Variants in STT3A observed in about 807,000 individuals in gnomAD.
STT3A encodes STT3 oligosaccharyltransferase complex catalytic subunit A.
A neutral mutation model predicts 89.2 loss-of-function variants in STT3A; 34 were observed. The observed-to-expected ratio is 0.38, with a 90% CI of 0.29 to 0.51. STT3A has a LOEUF of 0.51. Ranked by LOEUF, STT3A falls within the 20% of genes least tolerant of loss-of-function variation. The pLI is 0.89. For missense variants in STT3A, 555 were observed against 889.5 expected, an observed-to-expected ratio of 0.62 and a Z score of 4.78; for synonymous variants, 282 against 310.3, an observed-to-expected ratio of 0.91 and a Z score of 0.96.
At chr11:125,592,071 C>T (rs1939312411), upstream of STT3A, among the ~76,000 whole-genome samples, 1 of 152,180 alleles carries the variant, frequency 6.6e-6, no homozygotes, top group Non-Finnish European at 1.5e-5. Context: ...TAAGCATGGC[C>T]GGGCTGCCTC....
intron 8 of STT3A, among the ~76,000 whole-genome samples, chr11:125,607,746 G>C (rs1266138730): frequency 6.6e-6 from 1 of 152,226 alleles, no homozygotes; most frequent in Non-Finnish European, 1.5e-5. Context: ...ATGGAACATA[G>C]AGAGGAGTGA....
chr11:125,591,869 G>GAAGT (rs1463875089), upstream of STT3A: 1 of 152,630 alleles, frequency 6.6e-6, no homozygotes, highest in African/African-American at 2.4e-5. Context: ...GCAGGGAGTG[G>GAAGT]AAGTGCCTGA....
chr11:125,611,971 G>A lies in STT3A; in HGVS notation c.1209+452G>A, dbSNP rs138881265. Among the ~76,000 whole-genome samples the A allele has an allele frequency of 2.8e-3, 405 of 144,216 alleles. 1 individual carries two copies. The highest frequency in any genetic ancestry group is 9.2e-3 in the African/African-American group (365 of 39,500). The allele number at this position is 144,216 out of a possible 152,430, so 94.6% of individuals were successfully genotyped here. ...CGGCTCACCACAACTGCCGCCTGCT[G>A]GGTTCAAGCGATTCTCCTGCCTCAG... On this transcript the variant is annotated intron_variant, in intron 11 of 17. Coordinates refer to ENST00000392708, the MANE Select transcript of STT3A (RefSeq NM_152713.5).
At position 125,614,229 on chromosome 11, in the gene STT3A, T is replaced by C. The variant is rs773893035; in HGVS notation, c.1671+26T>C. On this transcript the variant is annotated intron_variant, in intron 14 of 17. Coordinates refer to ENST00000392708, the MANE Select transcript of STT3A (RefSeq NM_152713.5). This position sits in a 1 kb window ranked among gnomAD's most constrained non-coding sequence, Gnocchi z 4.9. ...GTAAGATAAAGGGATGATCTTTGAG[T>C]GTTTGGTGTACAAGGTCTAATGGGA... is the stretch of plus-strand genomic sequence containing the variant. 1.8e-5 allele frequency: 29 copies of C among 1,612,248 alleles called. No individual in the cohort carries two copies. In the African/African-American group the frequency reaches 2.4e-4, roughly 13 times the overall value.
intron 17 of STT3A, 112 bp from the exon 18 acceptor site, chr11:125,620,660 A>G: frequency 1.1e-6 from 1 of 946,674 alleles, no homozygotes; most frequent in Non-Finnish European, 1.7e-6. Flanking sequence ...GCCCTAAACC[A>G]GGCTGCAGAA....
intron 3 of STT3A, 112 bp downstream of exon 3, chr11:125,597,231 ATTT>A: frequency 1.8e-6 from 2 of 1,099,840 alleles, no homozygotes; most frequent in African/African-American, 3.2e-5. Context: ...CTTTCAGTAC[ATTT>A]AAGGGAAAAA....
At chr11:125,597,456 CAAGT>C (rs1377929580) in intron 3 of STT3A, among the ~76,000 whole-genome samples, 2 of 151,462 alleles carry the variant, frequency 1.3e-5, no homozygotes, top group East Asian at 3.9e-4. Context: ...TGGAATTGAC[CAAGT>C]AAGTCTCTGA....
rs189919985 is a variant in STT3A at position 125,609,087 on chromosome 11, G to T, written c.962-347G>T. ...TTGATTTTGCTCAAGTCTATCTATTGACTAATTCAGAGCAGGACTTGAGGA... is the reference window on the plus strand; with the variant it reads ...TTGATTTTGCTCAAGTCTATCTATTTACTAATTCAGAGCAGGACTTGAGGA... On this transcript the variant is annotated intron_variant, in intron 9 of 17. Transcript: ENST00000392708. Among the ~76,000 whole-genome samples, 29 of 152,264 alleles carry T rather than the reference G, an allele frequency of 1.9e-4. 1 individual carries two copies. Among genetic ancestry groups the T allele is most frequent in the African/African-American group, 6.5e-4 (27 of 41,556 alleles).
chr11:125,592,490 G>A (rs1939330213), upstream of STT3A: 1 of 455,912 alleles, frequency 2.2e-6, no homozygotes, highest in Non-Finnish European at 4.4e-6. Flanking sequence ...CTATTTCAGC[G>A]TAGTTTCCGC....
chr11:125,606,879 G>A (rs1342246716), intron 8 of STT3A, among the ~76,000 whole-genome samples: 1 of 152,164 alleles, frequency 6.6e-6, no homozygotes, highest in Non-Finnish European at 1.5e-5. Context: ...TTGCTCCACA[G>A]GGTTAACAGA....
chr11:125,593,390 G>T, intron 1 of STT3A: 1 of 152,596 alleles, frequency 6.6e-6, no homozygotes. Context: ...AGGGTGGCAG[G>T]AGATGCCACA....
At chr11:125,612,962 C>A (rs1055442057) in intron 12 of STT3A, 27 bp from the exon 13 acceptor site, 2 of 1,610,554 alleles carry the variant, frequency 1.2e-6, no homozygotes, top group African/African-American at 1.3e-5. Context: ...TGGTTAACTA[C>A]ACAATTAATT....
intron 8 of STT3A, among the ~76,000 whole-genome samples, chr11:125,607,591 A>G (rs1042881730): frequency 6.6e-6 from 1 of 152,258 alleles, no homozygotes; most frequent in Non-Finnish European, 1.5e-5. Context: ...ACACAGACCT[A>G]CTGAATCAGA....
chr11:125,612,803 G>A, intron 12 of STT3A, 56 bp downstream of exon 12: 1 of 1,591,674 alleles, frequency 6.3e-7, no homozygotes, highest in Non-Finnish European at 8.6e-7. Context: ...GTGTGTATGT[G>A]TGTATGTGGG....
rs1167769437 is a variant in STT3A, at chr11:125,622,413, A to G, written c.*1603A>G. On this transcript the variant is annotated 3_prime_UTR_variant, in exon 18 of 18. Transcript: ENST00000392708. ...TCTGAATTATTTATCAATATGATTA[A>G]TACCAGTTAGAAATTATTAATGATC... 2 of 152,242 alleles carry G rather than the reference A, an allele frequency of 1.3e-5. No homozygotes were observed. Among genetic ancestry groups the G allele is most frequent in the African/African-American group, 4.8e-5 (2 of 41,458 alleles). The allele number at this position is 152,242 out of a possible 1,614,324, so 9.4% of individuals were successfully genotyped here. A position where few individuals can be genotyped will look rare whatever the true frequency, so the allele number is the denominator to read the frequency against.
At chr11:125,605,515 C>T (rs1939805677) in intron 6 of STT3A, 114 bp from the exon 7 acceptor site, 2 of 665,228 alleles carry the variant, frequency 3.0e-6, no homozygotes, top group Non-Finnish European at 2.5e-6. Context: ...AATAATTTGC[C>T]TAAAATTACA....
chr11:125,592,637 GCGC>G (rs1233447836), upstream of STT3A: 3 of 386,302 alleles, frequency 7.8e-6, no homozygotes, highest in African/African-American at 4.2e-5. Flanking sequence ...TGACTCCTAC[GCGC>G]CGGCCTATGA....
At chr11:125,593,712 T>C (rs1050374815) in intron 1 of STT3A, 1 of 152,226 alleles carries the variant, frequency 6.6e-6, no homozygotes, top group Non-Finnish European at 1.5e-5. Flanking sequence ...TAGGCCTTTA[T>C]TTTTAGTTGC....
intron 10 of STT3A, 118 bp from the exon 11 acceptor site, chr11:125,611,310 G>A: frequency 1.4e-6 from 1 of 733,768 alleles, no homozygotes; most frequent in Non-Finnish European, 2.3e-6. Flanking sequence ...TAAATTCCTG[G>A]AAGTGGAATT....
Sources: gnomAD v4.1 joint callset for allele counts (sites outside exome capture counted in the v4.1 genomes callset) on GRCh38, gnomAD v4.1.1 for gene constraint, Gnocchi (gnomAD v3.1) non-coding constraint, MANE v1.5 for transcripts, NCBI Gene and HGNC (gene_info 2026-07-23, HGNC 2026-07-21) for gene names.